The following ADAMTSL3 variants were observed in gnomAD, a reference collection of about 807,000 sequenced individuals.
ADAMTSL3 encodes the protein ADAMTS like 3.
A neutral mutation model predicts 201.7 loss-of-function variants in ADAMTSL3; 128 were observed. The ratio of observed to expected loss-of-function variants is 0.63; its 90% CI spans 0.55 to 0.73. The LOEUF (loss-of-function observed/expected upper bound fraction) is 0.73, where lower values mean the gene tolerates loss of function less well. Among genes scored for constraint, ADAMTSL3 ranks in the 30% least tolerant of loss-of-function variants. The probability of loss-of-function intolerance (pLI) is 0.00; values close to 1 mark genes in which losing one functional copy is unlikely to be tolerated. For synonymous variants in ADAMTSL3, 738 were observed against 748.4 expected (o/e 0.99, Z 0.23); for missense variants, 1,990 against 2,119.6 (o/e 0.94, Z 1.20).
rs1302133950 is a variant in ADAMTSL3 at position 84,037,877 on chromosome 15, T to C, written c.*71T>C. The C allele has an allele frequency of 2.0e-6, 3 of 1,526,290 alleles. No individual in the cohort carries two copies. In the East Asian group the frequency reaches 6.9e-5, roughly 35 times the overall value. 94.5% of individuals were successfully genotyped at this position (1,526,290 alleles called of 1,614,324 possible). The stretch of plus-strand genomic sequence containing the variant: ...ATAAAAGCTCTTTTCCCCATGTCGC[T>C]GATTCAAAAACATGTATTTCTTAAA... On this transcript the variant is annotated 3_prime_UTR_variant, in exon 30 of 30. Transcript: ENST00000286744.
In ADAMTSL3 at chr15:83,741,415, C is replaced by T. The variant is rs118158854; in HGVS notation, c.190-32108C>T. The stretch of plus-strand genomic sequence containing the variant: ...TATCTCAACAGCTGTCATGAAGGCA[C>T]GTGATGAAATTCAACATAGAACACT... On this transcript the variant is annotated intron_variant, in intron 3 of 29. Coordinates refer to ENST00000286744, the MANE Select transcript of ADAMTSL3 (RefSeq NM_207517.3). Among the ~76,000 whole-genome samples the T allele has an allele frequency of 1.6e-3, 240 of 151,836 alleles. 1 individual carries two copies. The East Asian group carries it at 0.027, about 17-fold the overall frequency.
chr15:83,797,252 A>G (rs1473552120), intron 4 of ADAMTSL3, among the ~76,000 whole-genome samples: 1 of 152,206 alleles, frequency 6.6e-6, no homozygotes, highest in Admixed American at 6.5e-5. Context: ...GGAAATTCAT[A>G]GAAGGTGAAT....
chr15:83,818,738 T>TA (rs778136194), intron 5 of ADAMTSL3, among the ~76,000 whole-genome samples: 1 of 152,234 alleles, frequency 6.6e-6, no homozygotes, highest in East Asian at 1.9e-4. Flanking sequence ...GCTTTGGAAA[T>TA]ATCTGGTGGG....
intron 15 of ADAMTSL3, among the ~76,000 whole-genome samples, chr15:83,905,931 T>TA (rs1435090709): frequency 5.9e-5 from 9 of 152,162 alleles, no homozygotes; most frequent in Admixed American, 5.9e-4. Flanking sequence ...TAGTTTTTTT[T>TA]ATGGTTCATG....
intron 13 of ADAMTSL3, among the ~76,000 whole-genome samples, chr15:83,896,053 G>C (rs555463279): frequency 6.6e-6 from 1 of 152,270 alleles, no homozygotes; most frequent in South Asian, 2.1e-4. Flanking sequence ...TCCTTAAAGC[G>C]GTGGCTTGGC....
intron 2 of ADAMTSL3, among the ~76,000 whole-genome samples, chr15:83,692,750 C>T (rs2061630320): frequency 6.6e-6 from 1 of 151,282 alleles, no homozygotes; most frequent in Non-Finnish European, 1.5e-5. Flanking sequence ...AATCTGGCAG[C>T]TCCACTGATG....
intron 23 of ADAMTSL3, among the ~76,000 whole-genome samples, chr15:84,013,350 A>G (rs1033987022): frequency 1.3e-5 from 2 of 152,252 alleles, no homozygotes; most frequent in Admixed American, 6.5e-5. Context: ...TGTGTTGCAC[A>G]TGTCATGATA....
At chr15:83,878,451 TAAAATACAA>T (rs1236630320) in intron 9 of ADAMTSL3, among the ~76,000 whole-genome samples, 1 of 151,976 alleles carries the variant, frequency 6.6e-6, no homozygotes, top group Non-Finnish European at 1.5e-5. Flanking sequence ...CTGTCTCTAC[TAAAATACAA>T]AAAATTAGCC....
At chr15:84,009,765 C>T (rs562742789) in intron 23 of ADAMTSL3, among the ~76,000 whole-genome samples, 1 of 152,202 alleles carries the variant, frequency 6.6e-6, no homozygotes, top group Non-Finnish European at 1.5e-5. Context: ...CTCATGGTCC[C>T]CGGGTTGAGG....
intron 17 of ADAMTSL3, among the ~76,000 whole-genome samples, chr15:83,936,457 T>A (rs1420144861): frequency 6.6e-6 from 1 of 150,978 alleles, no homozygotes; most frequent in Admixed American, 6.6e-5. Context: ...TGAAAGTAGT[T>A]CAAGATAGCT....
In ADAMTSL3 at chr15:83,890,248, G is replaced by T; in HGVS notation, c.1211+1G>T. The T allele has an allele frequency of 1.2e-6, 2 of 1,613,218 alleles. No homozygotes were observed. Among genetic ancestry groups the T allele is most frequent in the Non-Finnish European group, 1.7e-6 (2 of 1,179,608 alleles). On this transcript the variant is annotated splice_donor_variant, in intron 11 of 29. Transcript: ENST00000286744. LOFTEE classifies it high-confidence loss of function. ...GCAGCATGGATCCCTGCCCATCAAGGTTTGTGTCATTGTCCACACCCTTTT... is the reference window on the plus strand; with the variant it reads ...GCAGCATGGATCCCTGCCCATCAAGTTTTGTGTCATTGTCCACACCCTTTT...
At chr15:84,016,671 C>G (rs1222851725) in intron 25 of ADAMTSL3, among the ~76,000 whole-genome samples, 172 bp downstream of exon 25, 1 of 152,154 alleles carries the variant, frequency 6.6e-6, no homozygotes, top group Non-Finnish European at 1.5e-5. Context: ...TTATTCTTTC[C>G]ATATTGAAAC....
At chr15:83,892,954 C>A in intron 13 of ADAMTSL3, 66 bp downstream of exon 13, 3 of 1,462,310 alleles carry the variant, frequency 2.1e-6, no homozygotes, top group East Asian at 2.3e-5. Context: ...TCTATATGCC[C>A]ACCATGGTGC....
intron 4 of ADAMTSL3, among the ~76,000 whole-genome samples, chr15:83,790,975 G>A (rs1243585563): frequency 1.3e-5 from 2 of 152,070 alleles, no homozygotes; most frequent in African/African-American, 2.4e-5. Context: ...GCCTAATACT[G>A]CAATGTGCTA....
intron 28 of ADAMTSL3, among the ~76,000 whole-genome samples, chr15:84,032,363 A>G (rs1000703454): frequency 3.3e-5 from 5 of 152,206 alleles, no homozygotes; most frequent in African/African-American, 1.2e-4. Context: ...AGGTTTGGCA[A>G]TGTAGGGTCA....
chr15:84,000,822 G>A (rs1445024158), intron 23 of ADAMTSL3, among the ~76,000 whole-genome samples: 1 of 152,194 alleles, frequency 6.6e-6, no homozygotes, highest in Non-Finnish European at 1.5e-5. Context: ...ATCACAAGCA[G>A]ATCTGTGTGA....
In ADAMTSL3 at chr15:84,031,335, T is replaced by C. The variant is rs899976664; in HGVS notation, c.4657T>C (p.Cys1553Arg). The C allele has an allele frequency of 1.9e-6, 3 of 1,613,612 alleles. No individual in the cohort carries two copies. Among genetic ancestry groups the C allele is most frequent in the South Asian group, 1.1e-5 (1 of 91,064 alleles). ...PCVQWEPGNRCPGRCMGRAVR... is the reference protein window; with the variant it reads ...PCVQWEPGNRRPGRCMGRAVR... Reference sequence around the variant, plus strand: ...ACTGCACTGTGCTTTTTTGTTCCAGTGTCCTGGACGTTGCATGGGCCGTGC... The same window carrying C: ...ACTGCACTGTGCTTTTTTGTTCCAGCGTCCTGGACGTTGCATGGGCCGTGC... The change falls in exon 28 of 30, where the codon TGT (cysteine) becomes CGT (arginine). Residue 1553 changes from cysteine to arginine, a missense_variant and splice_region_variant. By Grantham distance (180) the Cys-to-Arg change is radical (BLOSUM62 -3). Transcript: ENST00000286744.
At chr15:83,743,042 G>A (rs983407113) in intron 3 of ADAMTSL3, among the ~76,000 whole-genome samples, 3 of 151,898 alleles carry the variant, frequency 2.0e-5, no homozygotes, top group African/African-American at 7.3e-5. Flanking sequence ...TTCTGTTATT[G>A]CTTATATCTA....
intron 6 of ADAMTSL3, 29 bp downstream of exon 6, chr15:83,820,076 C>CAGGGG: frequency 7.8e-6 from 12 of 1,547,508 alleles, no homozygotes; most frequent in Non-Finnish European, 9.8e-6. Flanking sequence ...CAATCCCCTG[C>CAGGGG]TTTGGGGATG....
Sources: gnomAD v4.1 joint callset for allele counts (sites outside exome capture counted in the v4.1 genomes callset) on GRCh38, gnomAD v4.1.1 for gene constraint, MANE v1.5 for transcripts, NCBI Gene and HGNC (gene_info 2026-07-23, HGNC 2026-07-21) for gene names.